DNAH11: variants seen among roughly 807,000 people sequenced by gnomAD.
DNAH11 encodes dynein axonemal heavy chain 11.
A neutral mutation model predicts 526.0 loss-of-function variants in DNAH11; 442 were observed. That is an observed-to-expected ratio of 0.84 (90% confidence interval 0.78 to 0.91). The LOEUF is 0.91. Among genes scored for constraint, DNAH11 ranks in the 40% least tolerant of loss-of-function variants. The pLI is 0.00. For synonymous variants in DNAH11, 2,461 were observed against 1,935.9 expected (o/e 1.27, Z -7.12); for missense variants, 6,989 against 5,448.7 (o/e 1.28, Z -8.90).
chr7:21,713,645 C>G (rs554019494), intron 42 of DNAH11, among the ~76,000 whole-genome samples: 1 of 152,054 alleles, frequency 6.6e-6, no homozygotes, highest in African/African-American at 2.4e-5. Flanking sequence ...TTGATCCTTC[C>G]CTTGTTATCC....
chr7:21,691,169 TTTTTTTTTC>T lies in DNAH11; in HGVS notation c.6041+297_6041+305del, dbSNP rs143582839. ...TATTATAAACATAATCTTTCATAAT[TTTTTTTTTC>T]TTTTTTTTTTTTTAACAGTCAAAGT... On this transcript the variant is annotated intron_variant, in intron 35 of 81. Transcript: ENST00000409508. Among the ~76,000 whole-genome samples, 16,675 of 126,958 alleles carry T rather than the reference TTTTTTTTTC, an allele frequency of 0.13. 1,810 individuals carry two copies. Among genetic ancestry groups the T allele is most frequent in the African/African-American group, 0.35 (11,695 of 33,102 alleles). The allele number at this position is 126,958 out of a possible 152,430, so 83.3% of individuals were successfully genotyped here.
chr7:21,901,414 A>G lies in DNAH11; in HGVS notation c.*160A>G. 1 of 1,052,994 alleles carries G rather than the reference A, an allele frequency of 9.5e-7. No homozygotes were observed. Among genetic ancestry groups the G allele is most frequent in the Non-Finnish European group, 1.3e-6 (1 of 790,716 alleles). 65.2% of individuals were successfully genotyped at this position (1,052,994 alleles called of 1,614,324 possible). A position where few individuals can be genotyped will look rare whatever the true frequency, so the allele number is the denominator to read the frequency against. On this transcript the variant is annotated 3_prime_UTR_variant, in exon 82 of 82. Transcript: ENST00000409508. Reference sequence around the variant, plus strand: ...AGAGTGAAAGTCAGAAAAAAATACTAGAAACTAACTCAGGGCTGAGCGTGG... The same window carrying G: ...AGAGTGAAAGTCAGAAAAAAATACTGGAAACTAACTCAGGGCTGAGCGTGG...
At position 21,772,362 on chromosome 7, in the gene DNAH11, T is replaced by C. The variant is rs1289844588; in HGVS notation, c.9103-1404T>C. On this transcript the variant is annotated intron_variant, in intron 55 of 81. Coordinates refer to ENST00000409508, the MANE Select transcript of DNAH11 (RefSeq NM_001277115.2). Reference sequence around the variant, plus strand: ...TTTTTTTTCTTCTTTCTTTCTTTTTTTTTTTCCCTTCCTGTAAGGAGGTTA... The same window carrying C: ...TTTTTTTTCTTCTTTCTTTCTTTTTCTTTTTCCCTTCCTGTAAGGAGGTTA... Among the ~76,000 whole-genome samples, 613 of 151,614 alleles carry C rather than the reference T, an allele frequency of 4.0e-3. 1 individual carries two copies. Among genetic ancestry groups the C allele is most frequent in the African/African-American group, 0.014 (596 of 41,328 alleles).
chr7:21,878,687 C>A (rs372787765), intron 74 of DNAH11, among the ~76,000 whole-genome samples: 9 of 152,158 alleles, frequency 5.9e-5, no homozygotes, highest in South Asian at 2.1e-4. Flanking sequence ...AATTCTAGAA[C>A]CGTATTTGGT....
chr7:21,549,335 G>A (rs1322441154), intron 2 of DNAH11, among the ~76,000 whole-genome samples: 1 of 152,142 alleles, frequency 6.6e-6, no homozygotes, highest in Non-Finnish European at 1.5e-5. Context: ...ACTTACTCTT[G>A]TTGAGGGCTT....
chr7:21,612,013 A>G (rs928083250), intron 20 of DNAH11, among the ~76,000 whole-genome samples: 3 of 152,200 alleles, frequency 2.0e-5, no homozygotes, highest in African/African-American at 7.2e-5. Context: ...AAAAACAGAA[A>G]AACAGCAAAA....
At chr7:21,769,040 A>C (rs377699914) in intron 55 of DNAH11, among the ~76,000 whole-genome samples, 141 of 151,830 alleles carry the variant, frequency 9.3e-4, no homozygotes, top group African/African-American at 3.3e-3. Context: ...TATGAATAAA[A>C]AGTAGAAAGA....
In DNAH11 at chr7:21,894,709, C is replaced by T. The variant is rs759420250; in HGVS notation, c.12837C>T (p.Ser4279=). 15 of 1,613,652 alleles carry T rather than the reference C, an allele frequency of 9.3e-6. No individual in the cohort carries two copies. Among genetic ancestry groups the T allele is most frequent in the Admixed American group, 1.7e-5 (1 of 59,958 alleles). The part of the protein sequence containing the change: ...AEIMQKNSNR[S]PYVLVCFQEC... ...TAATGCAAAAAAATTCAAATAGAAG[C>T]CCATATGTTCTTGTTTGCTTCCAAG... Residue 4279 remains serine, a synonymous_variant, in exon 78 of 82, where the codon AGC becomes AGT. Transcript: ENST00000409508.
chr7:21,831,293 G>A (rs747554123), intron 65 of DNAH11, among the ~76,000 whole-genome samples: 50 of 152,180 alleles, frequency 3.3e-4, no homozygotes, highest in Admixed American at 3.3e-4. Context: ...AAGTGATTCT[G>A]TTTGCTTTTC....
chr7:21,899,982 A>G lies in DNAH11; in HGVS notation c.13165A>G (p.Ile4389Val), dbSNP rs763695891. The change falls in exon 81 of 82, where the codon ATC (isoleucine) becomes GTC (valine). Residue 4389 changes from isoleucine (I) to valine (V), a missense_variant and splice_region_variant. By Grantham distance (29) the Ile-to-Val change is conservative (BLOSUM62 3). Transcript: ENST00000409508. ...FFNPQSFLTA[I>V]MQTMARKNEW... Reference sequence around the variant, plus strand: ...CAATTTTTGTTATATTTCCAAAGCAATCATGCAGACGATGGCTCGAAAAAA... The same window carrying G: ...CAATTTTTGTTATATTTCCAAAGCAGTCATGCAGACGATGGCTCGAAAAAA... The G allele has an allele frequency of 4.3e-5, 69 of 1,613,676 alleles. No homozygotes were observed. The highest frequency in any genetic ancestry group is 5.8e-5 in the Non-Finnish European group (69 of 1,179,818).
chr7:21,606,798 C>T, intron 20 of DNAH11, 65 bp downstream of exon 20: 5 of 1,320,926 alleles, frequency 3.8e-6, no homozygotes, highest in Non-Finnish European at 5.3e-6. Context: ...TAAGTTTAGA[C>T]ACAAAATACT....
At position 21,725,939 on chromosome 7, in the gene DNAH11, T is replaced by G. The variant is rs2128485657; in HGVS notation, c.7395T>G (p.Ala2465=). 1 of 1,562,162 alleles carries G rather than the reference T, an allele frequency of 6.4e-7. No homozygotes were observed. The highest frequency in any genetic ancestry group is 8.7e-7 in the Non-Finnish European group (1 of 1,152,182). Reference sequence around the variant, plus strand: ...AAACTAAGAAATTATTGCCCTGGGCTGACAAAATTGCCCAGTTTACTATGG... The same window carrying G: ...AAACTAAGAAATTATTGCCCTGGGCGGACAAAATTGCCCAGTTTACTATGG... ...DHKTKKLLPW[A]DKIAQFTMDP... The change falls in exon 45 of 82, where the codon GCT becomes GCG. Residue 2465 remains alanine, a synonymous_variant. Coordinates refer to ENST00000409508, the MANE Select transcript of DNAH11 (RefSeq NM_001277115.2).
intron 21 of DNAH11, among the ~76,000 whole-genome samples, chr7:21,615,919 T>C (rs549421214): frequency 8.5e-5 from 13 of 152,228 alleles, no homozygotes; most frequent in African/African-American, 2.9e-4. Context: ...AATCTACTTA[T>C]CAATTTATTC....
In DNAH11 at chr7:21,586,271, A is replaced by C. The variant is rs564123779; in HGVS notation, c.1711-1793A>C. On this transcript the variant is annotated intron_variant, in intron 9 of 81. Coordinates refer to ENST00000409508, the MANE Select transcript of DNAH11 (RefSeq NM_001277115.2). ...TTTTTACAAAATAATGTTGTGAAAT[A>C]AATACACTTATCATTTCTTGTTGGA... 2.6e-5 allele frequency among the ~76,000 whole-genome samples: 4 copies of C among 152,334 alleles called. No individual in the cohort carries two copies. The South Asian group carries it at 8.3e-4, about 32-fold the overall frequency.
intron 14 of DNAH11, among the ~76,000 whole-genome samples, chr7:21,595,147 A>G (rs1336598202): frequency 6.6e-6 from 1 of 152,252 alleles, no homozygotes; most frequent in African/African-American, 2.4e-5. Context: ...CAGCATGATC[A>G]GTTTCTGGCA....
intron 2 of DNAH11, among the ~76,000 whole-genome samples, chr7:21,551,467 A>C (rs1048436176): frequency 6.6e-6 from 1 of 152,186 alleles, no homozygotes; most frequent in Non-Finnish European, 1.5e-5. Context: ...CACTCTGTCC[A>C]GATTTTTCCA....
intron 64 of DNAH11, among the ~76,000 whole-genome samples, chr7:21,816,942 G>A (rs780755734): frequency 3.3e-5 from 5 of 152,140 alleles, no homozygotes; most frequent in African/African-American, 4.8e-5. Flanking sequence ...CAAACATTGG[G>A]TCTGTGGGGG....
chr7:21,603,972 A>G (rs1381843940), intron 18 of DNAH11, among the ~76,000 whole-genome samples: 1 of 152,186 alleles, frequency 6.6e-6, no homozygotes, highest in African/African-American at 2.4e-5. Flanking sequence ...GCTGTGTATC[A>G]GTAATTTAGA....
chr7:21,668,974 C>T (rs919876719), intron 30 of DNAH11, among the ~76,000 whole-genome samples: 2 of 152,052 alleles, frequency 1.3e-5, no homozygotes, highest in African/African-American at 2.4e-5. Context: ...TTTATATACT[C>T]GCTCATATTT....
Sources: gnomAD v4.1 joint callset for allele counts (sites outside exome capture counted in the v4.1 genomes callset) on GRCh38, gnomAD v4.1.1 for gene constraint, MANE v1.5 for transcripts, NCBI Gene and HGNC (gene_info 2026-07-23, HGNC 2026-07-21) for gene names.